Variants in EHD3 observed in about 807,000 individuals in gnomAD.
The protein encoded by EHD3 is EH domain containing 3.
Under a neutral mutation model 43.0 loss-of-function variants are expected in EHD3, and 17 were observed. That is an observed-to-expected ratio of 0.40 (90% CI 0.27 to 0.59). The LOEUF is 0.59. Ranked by LOEUF, EHD3 falls within the 20% of genes least tolerant of loss-of-function variation. EHD3 has a pLI of 0.49. For synonymous variants in EHD3, 313 were observed against 289.5 expected (o/e 1.08, Z -0.82); for missense variants, 594 against 705.6 (o/e 0.84, Z 1.79).
chr2:31,239,695 C>A (rs1446843530), intron 1 of EHD3, among the ~76,000 whole-genome samples: 2 of 152,168 alleles, frequency 1.3e-5, no homozygotes, highest in Non-Finnish European at 2.9e-5. Context: ...CCCGCAGTTT[C>A]CTTATCCATA....
chr2:31,246,208 A>G (rs956596593), intron 2 of EHD3, among the ~76,000 whole-genome samples: 3 of 152,018 alleles, frequency 2.0e-5, no homozygotes, highest in Non-Finnish European at 4.4e-5. Flanking sequence ...GGTGTCTCTT[A>G]TACCTGGAAC....
intron 2 of EHD3, among the ~76,000 whole-genome samples, chr2:31,248,169 A>G (rs949537173): frequency 7.2e-5 from 11 of 152,168 alleles, no homozygotes; most frequent in Non-Finnish European, 1.2e-4. Context: ...TCCTGTCTCT[A>G]TGCTGCTGAG....
At chr2:31,244,579 T>C in intron 2 of EHD3, 129 bp downstream of exon 2, 2 of 1,015,890 alleles carry the variant, frequency 2.0e-6, no homozygotes, top group Non-Finnish European at 2.8e-6. Flanking sequence ...TTTCCATACC[T>C]AGATTGTCCC....
chr2:31,253,248 A>C (rs1280985182), intron 3 of EHD3, among the ~76,000 whole-genome samples: 6 of 97,470 alleles, frequency 6.2e-5, no homozygotes, highest in Admixed American at 1.9e-4. Flanking sequence ...ACCCCCTCCC[A>C]CACACACACA....
Position 31,268,552 on chromosome 2 carries a change from A to G in EHD3, c.*1848A>G, listed in dbSNP as rs1218328012. 2 of 152,354 alleles carry G rather than the reference A, an allele frequency of 1.3e-5. No homozygotes were observed. The highest frequency in any genetic ancestry group is 2.9e-5 in the Non-Finnish European group (2 of 68,054). 9.4% of individuals were successfully genotyped at this position (152,354 alleles called of 1,614,324 possible). A position where few individuals can be genotyped will look rare whatever the true frequency, so the allele number is the denominator to read the frequency against. On this transcript the variant is annotated 3_prime_UTR_variant, in exon 6 of 6. Transcript: ENST00000322054. ...CTTCCCAGTGGGCTGGAGTTTGTCTAGGCTCAGTGACCAACCCAGGCACAG... is the reference window on the plus strand; with the variant it reads ...CTTCCCAGTGGGCTGGAGTTTGTCTGGGCTCAGTGACCAACCCAGGCACAG...
intron 2 of EHD3, among the ~76,000 whole-genome samples, chr2:31,245,541 ATATATATATATATTTT>A (rs1470710468): frequency 3.9e-5 from 2 of 51,784 alleles, no homozygotes; most frequent in Non-Finnish European, 6.5e-5. Context: ...ATATATATAT[ATATATATATATATTTT>A]TTTTTTTTTT....
chr2:31,249,726 A>G (rs1213338192), intron 3 of EHD3, among the ~76,000 whole-genome samples: 4 of 152,112 alleles, frequency 2.6e-5, no homozygotes, highest in South Asian at 2.1e-4. Context: ...GAAGACATCA[A>G]TATCAGTCTT....
rs914365226 is a variant in EHD3 at position 31,260,458 on chromosome 2, C to T, written c.503-52C>T. Reference sequence around the variant, plus strand: ...ACCACACCCGACTGCTTCTCCAAACCCCTACCCTATACCCCAAAGGCCCCA... The same window carrying T: ...ACCACACCCGACTGCTTCTCCAAACTCCTACCCTATACCCCAAAGGCCCCA... On this transcript the variant is annotated intron_variant, in intron 3 of 5. Coordinates refer to ENST00000322054, the MANE Select transcript of EHD3 (RefSeq NM_014600.3). The surrounding 1 kb of genome is among the most constrained non-coding windows in gnomAD (Gnocchi z 4.6). The T allele has an allele frequency of 3.3e-6, 5 of 1,537,736 alleles. No individual in the cohort carries two copies. Among genetic ancestry groups the T allele is most frequent in the Middle Eastern group, 1.9e-4 (1 of 5,268 alleles).
At position 31,266,679 on chromosome 2, in the gene EHD3, C is replaced by A; in HGVS notation, c.1583C>A (p.Pro528Gln). Residue 528 changes from proline to glutamine, a missense_variant, in exon 6 of 6, where the codon CCG becomes CAG. Around this residue, in one of 3 missense-constraint regions of EHD3, gnomAD observed 322 missense variants for 348.0 expected, o/e 0.93. Coordinates refer to ENST00000322054, the MANE Select transcript of EHD3 (RefSeq NM_014600.3). This position sits in a 1 kb window ranked among gnomAD's most constrained non-coding sequence, Gnocchi z 5.1. ...GAGCTGCCTGCCCACCTCCTGCCCC[C>A]GTCCAAGAGGAAAGTTGCCGAGTGA... ...PNELPAHLLP[P>Q]SKRKVAE The A allele has an allele frequency of 6.2e-7, 1 of 1,607,358 alleles. No homozygotes were observed. The highest frequency in any genetic ancestry group is 8.5e-7 in the Non-Finnish European group (1 of 1,175,608).
chr2:31,252,671 C>T (rs1683661050), intron 3 of EHD3, among the ~76,000 whole-genome samples: 1 of 152,162 alleles, frequency 6.6e-6, no homozygotes, highest in Non-Finnish European at 1.5e-5. Context: ...GACGGGGTTT[C>T]ACTACCTCTC....
intron 2 of EHD3, among the ~76,000 whole-genome samples, chr2:31,247,624 C>T (rs1018072289): frequency 2.6e-5 from 4 of 152,128 alleles, no homozygotes; most frequent in East Asian, 3.9e-4. Flanking sequence ...GGATAGAATT[C>T]GTGTTTTATT....
intron 1 of EHD3, among the ~76,000 whole-genome samples, chr2:31,242,824 G>GTGGC (rs1683447577): frequency 6.6e-6 from 1 of 152,128 alleles, no homozygotes; most frequent in Admixed American, 6.5e-5. Context: ...GCCGGGCGTG[G>GTGGC]TGGCGGCTGC....
Position 31,244,398 on chromosome 2 carries a change from C to T in EHD3, c.352C>T (p.Pro118Ser). The change falls in exon 2 of 6, where the codon CCC (proline) becomes TCC (serine). Residue 118 changes from proline (P) to serine (S), a missense_variant. Transcript: ENST00000322054. ...CCCTGGGAACGCCCTGGTGGTGGAT[C>T]CCAAGAAACCCTTCAGGAAACTCAA... is the stretch of plus-strand genomic sequence containing the variant. ...IIPGNALVVD[P>S]KKPFRKLNAF... The T allele has an allele frequency of 6.2e-7, 1 of 1,614,154 alleles. No homozygotes were observed. Among genetic ancestry groups the T allele is most frequent in the Non-Finnish European group, 8.5e-7 (1 of 1,180,034 alleles).
rs564411146 is a variant in EHD3 at position 31,254,585 on chromosome 2, T to C, written c.502+5117T>C. On this transcript the variant is annotated intron_variant, in intron 3 of 5. Coordinates refer to ENST00000322054, the MANE Select transcript of EHD3 (RefSeq NM_014600.3). ...CACATTTTGGAAATTGATGCCTTGT[T>C]ATTCCTCTTTTGCTCAAATGCCTTT... is the stretch of plus-strand genomic sequence containing the variant. Among the ~76,000 whole-genome samples, 23 of 152,384 alleles carry C rather than the reference T, an allele frequency of 1.5e-4. 1 individual carries two copies. The South Asian group carries it at 4.6e-3, about 30-fold the overall frequency.
intron 4 of EHD3, among the ~76,000 whole-genome samples, 196 bp from the exon 5 acceptor site, chr2:31,261,353 C>A (rs777635457): frequency 7.9e-5 from 12 of 152,154 alleles, no homozygotes; most frequent in Non-Finnish European, 1.6e-4. Flanking sequence ...CCTCACCTTG[C>A]CCACATAACA....
chr2:31,260,547 G>A lies in EHD3; in HGVS notation c.540G>A (p.Glu180=). The A allele has an allele frequency of 6.2e-7, 1 of 1,612,218 alleles. No homozygotes were observed. Among genetic ancestry groups the A allele is most frequent in the Non-Finnish European group, 8.5e-7 (1 of 1,178,608 alleles). ...CAGCTGTCCTTGAGTGGTTTGCCGA[G>A]CGGGTTGACCGCATCATTCTGCTCT... ...DFAAVLEWFA[E]RVDRIILLFD... Residue 180 remains glutamate, a synonymous_variant, in exon 4 of 6, where the codon GAG becomes GAA. Transcript: ENST00000322054. The surrounding 1 kb of genome is among the most constrained non-coding windows in gnomAD (Gnocchi z 4.6).
At chr2:31,237,731 A>G (rs1683348532) in intron 1 of EHD3, among the ~76,000 whole-genome samples, 1 of 152,170 alleles carries the variant, frequency 6.6e-6, no homozygotes, top group Non-Finnish European at 1.5e-5. Flanking sequence ...TAGCATGAAC[A>G]TTTCCTATGT....
intron 3 of EHD3, among the ~76,000 whole-genome samples, chr2:31,252,106 T>G (rs1683646877): frequency 6.6e-6 from 1 of 152,198 alleles, no homozygotes; most frequent in South Asian, 2.1e-4. Context: ...GTACTAGGAA[T>G]TCAGAGTTCT....
intron 3 of EHD3, among the ~76,000 whole-genome samples, chr2:31,258,011 C>T (rs530370000): frequency 2.0e-5 from 3 of 152,154 alleles, no homozygotes; most frequent in Non-Finnish European, 4.4e-5. Flanking sequence ...CCATTGATGG[C>T]TAAGCTCCTC....
Sources: allele counts gnomAD v4.1 joint callset (sites outside exome capture counted in the v4.1 genomes callset), GRCh38; gene constraint gnomAD v4.1.1; regional missense constraint gnomAD v4.1.1; non-coding constraint Gnocchi (gnomAD v3.1); transcripts MANE v1.5; gene names NCBI Gene and HGNC (gene_info 2026-07-23, HGNC 2026-07-21).